Variants in ZFAND6 observed in about 807,000 individuals in gnomAD.
ZFAND6 encodes the protein zinc finger AN1-type containing 6, also known as AN1-type zinc finger protein 6.
A neutral mutation model predicts 24.5 loss-of-function variants in ZFAND6; 12 were observed. The ratio of observed to expected loss-of-function variants is 0.49; its 90% CI spans 0.31 to 0.79. The LOEUF (loss-of-function observed/expected upper bound fraction) is 0.79. Ranked by LOEUF, ZFAND6 falls within the 30% of genes least tolerant of loss-of-function variation. ZFAND6 has a pLI of 0.04. For missense variants in ZFAND6, 207 were observed against 245.9 expected, an observed-to-expected ratio of 0.84 and a Z score of 1.06; for synonymous variants, 92 against 81.5, an observed-to-expected ratio of 1.13 and a Z score of -0.69.
At chr15:80,078,378 G>C (rs1462953204) in intron 1 of ZFAND6, among the ~76,000 whole-genome samples, 1 of 152,142 alleles carries the variant, frequency 6.6e-6, no homozygotes, top group African/African-American at 2.4e-5. Context: ...TTGCTACAAA[G>C]AACATGATTT....
intron 6 of ZFAND6, among the ~76,000 whole-genome samples, chr15:80,133,196 T>G (rs1284576739): frequency 6.4e-5 from 6 of 93,986 alleles, no homozygotes; most frequent in South Asian, 6.8e-4. Context: ...TTGTTTGTTT[T>G]TTGTTTTTTT....
chr15:80,098,863 G>T (rs2038879837), intron 2 of ZFAND6, among the ~76,000 whole-genome samples: 1 of 151,912 alleles, frequency 6.6e-6, no homozygotes, highest in Admixed American at 6.6e-5. Context: ...TTATTGTGAA[G>T]CAAAAGATTG....
intron 2 of ZFAND6, among the ~76,000 whole-genome samples, chr15:80,100,135 C>A (rs1317638679): frequency 2.0e-5 from 3 of 152,106 alleles, no homozygotes; most frequent in Non-Finnish European, 2.9e-5. Flanking sequence ...TATTTATAAT[C>A]TTGTTTAATG....
At chr15:80,092,729 C>T (rs1321544494) in intron 1 of ZFAND6, among the ~76,000 whole-genome samples, 1 of 152,050 alleles carries the variant, frequency 6.6e-6, no homozygotes, top group East Asian at 1.9e-4. Context: ...CATTGACACA[C>T]TATAATACCA....
chr15:80,075,210 T>C, intron 1 of ZFAND6: 1 of 172,598 alleles, frequency 5.8e-6, no homozygotes, highest in Non-Finnish European at 1.3e-5. Context: ...AATTTAAAAT[T>C]AAAAATTTTC....
At position 80,121,821 on chromosome 15, in the gene ZFAND6, G is replaced by T; in HGVS notation, c.263+1G>T. On this transcript the variant is annotated splice_donor_variant, in intron 4 of 6. Coordinates refer to ENST00000261749, the MANE Select transcript of ZFAND6 (RefSeq NM_019006.4). LOFTEE classifies it high-confidence loss of function. ...CTACATCTTCATCTATGCAGCCCAG[G>T]TAAGATGTACTCTCTGAATTCTAAT... The T allele has an allele frequency of 6.2e-7, 1 of 1,608,774 alleles. No individual in the cohort carries two copies. The highest frequency in any genetic ancestry group is 8.5e-7 in the Non-Finnish European group (1 of 1,175,712).
chr15:80,110,081 G>C (rs1256856424), intron 2 of ZFAND6, among the ~76,000 whole-genome samples: 2 of 152,162 alleles, frequency 1.3e-5, no homozygotes, highest in Non-Finnish European at 2.9e-5. Context: ...ATGGCCCTCA[G>C]CTTCTCCAGA....
rs1258332455 is a variant in ZFAND6 at position 80,120,374 on chromosome 15, G to A, written c.30G>A (p.Val10=). The change falls in exon 3 of 7, where the codon GTG becomes GTA. Residue 10 remains valine, a synonymous_variant. Coordinates refer to ENST00000261749, the MANE Select transcript of ZFAND6 (RefSeq NM_019006.4). Reference sequence around the variant, plus strand: ...CTCAAGAAACTAATCACAGCCAAGTGCCTATGCTTTGTTCCACTGGCTGTG... The same window carrying A: ...CTCAAGAAACTAATCACAGCCAAGTACCTATGCTTTGTTCCACTGGCTGTG... The part of the protein sequence containing the change: MAQETNHSQ[V]PMLCSTGCGF... 1 of 1,596,758 alleles carries A rather than the reference G, an allele frequency of 6.3e-7. No homozygotes were observed. The highest frequency in any genetic ancestry group is 8.6e-7 in the Non-Finnish European group (1 of 1,169,372).
At chr15:80,128,875 G>A (rs2040478703) in intron 5 of ZFAND6, among the ~76,000 whole-genome samples, 1 of 152,224 alleles carries the variant, frequency 6.6e-6, no homozygotes, top group South Asian at 2.1e-4. Flanking sequence ...ATGCATAGAA[G>A]ATAGATGTAT....
At chr15:80,136,687 C>T (rs1426303894) in intron 6 of ZFAND6, among the ~76,000 whole-genome samples, 15 of 152,078 alleles carry the variant, frequency 9.9e-5, no homozygotes, top group Admixed American at 9.8e-4. Flanking sequence ...ATATTGATTC[C>T]TGTGCTCCAT....
In ZFAND6 at chr15:80,137,521, C is replaced by T. The variant is rs1459515422; in HGVS notation, c.520C>T (p.Arg174Cys). 5 of 1,606,430 alleles carry T rather than the reference C, an allele frequency of 3.1e-6. No individual in the cohort carries two copies. Among genetic ancestry groups the T allele is most frequent in the Non-Finnish European group, 4.2e-6 (5 of 1,177,974 alleles). Residue 174 changes from arginine (R) to cysteine (C), a missense_variant, in exon 7 of 7, where the codon CGT (arginine) becomes TGT (cysteine). Arg to Cys is a radical substitution (Grantham distance 180). Coordinates refer to ENST00000261749, the MANE Select transcript of ZFAND6 (RefSeq NM_019006.4). ...TGGAAATGTTTACTGTGGTGTACAC[C>T]GTTACTCAGATGTACACAATTGCTC... ...RCGNVYCGVH[R>C]YSDVHNCSYN...
At chr15:80,078,582 G>A (rs2037432456) in intron 1 of ZFAND6, among the ~76,000 whole-genome samples, 1 of 152,182 alleles carries the variant, frequency 6.6e-6, no homozygotes. Context: ...ACCCAGTAAT[G>A]GGATTGCTGG....
chr15:80,104,499 A>C (rs1048203575), intron 2 of ZFAND6, among the ~76,000 whole-genome samples: 10 of 151,444 alleles, frequency 6.6e-5, no homozygotes, highest in Non-Finnish European at 1.5e-4. Context: ...AGCCTGGGCG[A>C]CAGAGTGAGA....
At chr15:80,095,484 A>G (rs1016408613) in intron 1 of ZFAND6, among the ~76,000 whole-genome samples, 3 of 152,222 alleles carry the variant, frequency 2.0e-5, no homozygotes, top group Non-Finnish European at 4.4e-5. Flanking sequence ...ATTAGACTCA[A>G]TATATACCAG....
chr15:80,091,647 C>CCT lies in ZFAND6; in HGVS notation c.-180-6769_-180-6768insCT, dbSNP rs1555430488. Among the ~76,000 whole-genome samples, 96 of 151,406 alleles carry CCT rather than the reference C, an allele frequency of 6.3e-4. 1 individual carries two copies. Among genetic ancestry groups the CCT allele is most frequent in the African/African-American group, 1.8e-3 (74 of 41,228 alleles). On this transcript the variant is annotated intron_variant, in intron 1 of 6. Transcript: ENST00000261749. ...AATATATTTACTATTAAAAAAAAAA[C>CCT]TTTTTTTAAGAGACAGGATCTTGCT...
intron 2 of ZFAND6, chr15:80,111,537 G>A (rs764289120): frequency 2.2e-6 from 1 of 455,946 alleles, no homozygotes; most frequent in South Asian, 1.5e-5. Flanking sequence ...ATCTTCAGAT[G>A]CAAACAATAC....
chr15:80,118,016 T>TGTGTGTGTG (rs1555434595), intron 2 of ZFAND6, among the ~76,000 whole-genome samples: 3 of 150,304 alleles, frequency 2.0e-5, no homozygotes, highest in Admixed American at 6.6e-5. Context: ...AGGTATTGAA[T>TGTGTGTGTG]TGTGTGTGTG....
intron 2 of ZFAND6, among the ~76,000 whole-genome samples, chr15:80,110,331 A>G (rs998314360): frequency 6.6e-6 from 1 of 152,208 alleles, no homozygotes; most frequent in Non-Finnish European, 1.5e-5. Context: ...CACCATTTAT[A>G]GTAGATTTTA....
chr15:80,088,906 T>G (rs2053179768), intron 1 of ZFAND6, among the ~76,000 whole-genome samples: 1 of 152,148 alleles, frequency 6.6e-6, no homozygotes, highest in East Asian at 1.9e-4. Context: ...CCTTTCTAGA[T>G]TCCCTTCTTT....
Sources: allele counts gnomAD v4.1 joint callset (sites outside exome capture counted in the v4.1 genomes callset), GRCh38; gene constraint gnomAD v4.1.1; transcripts MANE v1.5; gene names NCBI Gene and HGNC (gene_info 2026-07-23, HGNC 2026-07-21).